TUBGCP3: variants seen among roughly 807,000 people sequenced by gnomAD.
TUBGCP3 encodes the protein gamma-tubulin complex component 3.
A neutral mutation model predicts 123.1 loss-of-function variants in TUBGCP3; 50 were observed. That is an observed-to-expected ratio of 0.41 (90% CI 0.32 to 0.51). The LOEUF (loss-of-function observed/expected upper bound fraction) is 0.51, where lower values mean the gene tolerates loss of function less well. Ranked by LOEUF, TUBGCP3 falls within the 20% of genes least tolerant of loss-of-function variation. The pLI is 0.36. For missense variants in TUBGCP3, 882 were observed against 1,127.0 expected (o/e 0.78, Z 3.11); for synonymous variants, 405 against 413.9 (o/e 0.98, Z 0.26).
the TUBGCP3 span, among the ~76,000 whole-genome samples, chr13:112,596,335 G>A: frequency 3.3e-5 from 5 of 152,108 alleles, no homozygotes; most frequent in African/African-American, 1.2e-4. Flanking sequence ...TTTCCTCCAT[G>A]TGAAATATCT....
At chr13:112,504,551 TATATA>T (rs1881157072) in intron 18 of TUBGCP3, 70 bp downstream of exon 18, 1 of 547,404 alleles carries the variant, frequency 1.8e-6, no homozygotes, top group Non-Finnish European at 2.7e-6. Context: ...CATACACATA[TATATA>T]TATATATACC....
the TUBGCP3 span, among the ~76,000 whole-genome samples, chr13:112,598,945 C>CA: frequency 0.28 from 19,750 of 70,998 alleles, 2,071 homozygotes; most frequent in Non-Finnish European, 0.34. Flanking sequence ...GACTCCGTCT[C>CA]AAAAAAAAAA....
chr13:112,595,911 A>AT, the TUBGCP3 span, among the ~76,000 whole-genome samples: 1 of 151,744 alleles, frequency 6.6e-6, no homozygotes, highest in Non-Finnish European at 1.5e-5. Context: ...TATTTGAACA[A>AT]TTTTTTTTAG....
At chr13:112,529,510 T>A (rs1363593806) in intron 11 of TUBGCP3, among the ~76,000 whole-genome samples, 2 of 152,190 alleles carry the variant, frequency 1.3e-5, no homozygotes, top group Non-Finnish European at 2.9e-5. Context: ...TCCATCACAG[T>A]TATGCTCTTC....
At chr13:112,569,575 G>C (rs535529973) in intron 1 of TUBGCP3, among the ~76,000 whole-genome samples, 28 of 152,128 alleles carry the variant, frequency 1.8e-4, no homozygotes, top group Non-Finnish European at 3.8e-4. Context: ...TGAACAAGAA[G>C]AGGAGGCCGG....
chr13:112,491,840 A>G (rs1880122158), intron 20 of TUBGCP3, among the ~76,000 whole-genome samples: 1 of 152,188 alleles, frequency 6.6e-6, no homozygotes, highest in Non-Finnish European at 1.5e-5. Flanking sequence ...CCTCAGCTAC[A>G]AGCCATCCAG....
At chr13:112,590,672 G>A (rs1817906843), upstream of TUBGCP3, among the ~76,000 whole-genome samples, 1 of 152,140 alleles carries the variant, frequency 6.6e-6, no homozygotes, top group Admixed American at 6.5e-5. Context: ...TATAGCAACA[G>A]AGGCACTCAT....
chr13:112,544,258 C>T (rs950737137), intron 11 of TUBGCP3, among the ~76,000 whole-genome samples: 6 of 151,952 alleles, frequency 3.9e-5, no homozygotes, highest in Non-Finnish European at 7.4e-5. Context: ...TCGAGACCAT[C>T]CTGGCTAACA....
chr13:112,551,223 G>C (rs112407354), intron 8 of TUBGCP3, among the ~76,000 whole-genome samples: 2,238 of 152,364 alleles, frequency 0.015, 51 homozygotes, highest in African/African-American at 0.05. Flanking sequence ...CCAAAAGAGT[G>C]GAAGTGCAGG....
In TUBGCP3 at chr13:112,578,558, CAAAAAAAAAAAA is replaced by C. The variant is rs71131496; in HGVS notation, c.77-9311_77-9300del. On this transcript the variant is annotated intron_variant, in intron 1 of 21. Coordinates refer to ENST00000261965, the MANE Select transcript of TUBGCP3 (RefSeq NM_006322.6). ...TGGGCGAAAGAGTGAGACTCCGTCT[CAAAAAAAAAAAA>C]AAAAAAAAAAAAAAAAGAACCTGCT... 3.1e-3 allele frequency among the ~76,000 whole-genome samples: 76 copies of C among 24,914 alleles called. 1 individual carries two copies. Among genetic ancestry groups the C allele is most frequent in the African/African-American group, 7.7e-3 (52 of 6,754 alleles). 16.3% of individuals were successfully genotyped at this position (24,914 alleles called of 152,430 possible).
chr13:112,568,688 G>GA (rs1265508193), intron 2 of TUBGCP3, among the ~76,000 whole-genome samples: 3 of 152,244 alleles, frequency 2.0e-5, no homozygotes, highest in African/African-American at 7.2e-5. Context: ...TAGGCCAACT[G>GA]AAAAGCACCA....
At chr13:112,498,856 T>A (rs1880695172) in intron 20 of TUBGCP3, 189 bp downstream of exon 20, 2 of 1,605,288 alleles carry the variant, frequency 1.2e-6, no homozygotes, top group South Asian at 2.2e-5. Context: ...AGGATGATGA[T>A]GCCAGTGAGG....
At chr13:112,560,607 T>G (rs1186400705) in intron 3 of TUBGCP3, among the ~76,000 whole-genome samples, 1 of 152,220 alleles carries the variant, frequency 6.6e-6, no homozygotes, top group Admixed American at 6.5e-5. Flanking sequence ...AGCCTTACCT[T>G]TTGCATGCAC....
At chr13:112,518,884 G>T in intron 16 of TUBGCP3, 91 bp downstream of exon 16, 3 of 1,088,730 alleles carry the variant, frequency 2.8e-6, no homozygotes, top group Non-Finnish European at 4.2e-6. Flanking sequence ...ACTTGAATTA[G>T]AAGTCCCCAG....
chr13:112,510,918 A>T (rs953658061), intron 17 of TUBGCP3, among the ~76,000 whole-genome samples: 1 of 152,154 alleles, frequency 6.6e-6, no homozygotes, highest in East Asian at 1.9e-4. Context: ...CCTTAGTGAA[A>T]CATATGAATG....
intron 20 of TUBGCP3, among the ~76,000 whole-genome samples, chr13:112,495,905 T>C (rs1164277003): frequency 1.3e-5 from 2 of 152,188 alleles, no homozygotes; most frequent in African/African-American, 4.8e-5. Context: ...AGAATTTGAA[T>C]GCATCTATTT....
chr13:112,586,112 G>A lies in TUBGCP3; in HGVS notation c.76+1793C>T, dbSNP rs578047981. On this transcript the variant is annotated intron_variant, in intron 1 of 21. Coordinates refer to ENST00000261965, the MANE Select transcript of TUBGCP3 (RefSeq NM_006322.6). ...AAATGAGCCAGGCGTGGTGGCGGGC[G>A]CCTGTAGTCCCAGCTACTCGGGAGG... Among the ~76,000 whole-genome samples the A allele has an allele frequency of 2.6e-5, 4 of 151,726 alleles. No individual in the cohort carries two copies. In the South Asian group the frequency reaches 6.3e-4, roughly 24 times the overall value.
At chr13:112,590,805 T>C (rs1165068213), upstream of TUBGCP3, among the ~76,000 whole-genome samples, 1 of 152,192 alleles carries the variant, frequency 6.6e-6, no homozygotes, top group Non-Finnish European at 1.5e-5. Context: ...CAAAACTCAT[T>C]TGGCAAAATT....
chr13:112,569,574 A>G (rs187725885), intron 1 of TUBGCP3, among the ~76,000 whole-genome samples: 6 of 152,338 alleles, frequency 3.9e-5, no homozygotes, highest in East Asian at 1.9e-4. Context: ...ATGAACAAGA[A>G]GAGGAGGCCG....
Sources: gnomAD v4.1 joint callset for allele counts (sites outside exome capture counted in the v4.1 genomes callset) on GRCh38, gnomAD v4.1.1 for gene constraint, MANE v1.5 for transcripts, NCBI Gene and HGNC (gene_info 2026-07-23, HGNC 2026-07-21) for gene names.